HIP1: variants seen among roughly 807,000 people sequenced by gnomAD.
HIP1 encodes the protein huntingtin interacting protein 1.
HIP1 carries 65 observed loss-of-function variants against 147.6 expected under a neutral mutation model. That is an observed-to-expected ratio of 0.44 (90% CI 0.36 to 0.54). HIP1 has a LOEUF of 0.54. Among genes scored for constraint, HIP1 ranks in the 20% least tolerant of loss-of-function variants. The probability of loss-of-function intolerance (pLI) is 0.00; values close to 1 mark genes in which losing one functional copy is unlikely to be tolerated. For missense variants in HIP1, 1,061 were observed against 1,299.6 expected (o/e 0.82, Z 2.82); for synonymous variants, 479 against 504.0 (o/e 0.95, Z 0.67).
chr7:75,719,464 G>A (rs970750056), intron 1 of HIP1, among the ~76,000 whole-genome samples: 13 of 150,250 alleles, frequency 8.7e-5, no homozygotes, highest in South Asian at 2.1e-4. Context: ...AGATCATGCC[G>A]CTGCACTCCA....
chr7:75,561,247 C>T, intron 13 of HIP1, 82 bp downstream of exon 13: 1 of 1,018,754 alleles, frequency 9.8e-7, no homozygotes, highest in South Asian at 1.3e-5. Flanking sequence ...AGCCACTGTG[C>T]CTGGCTAGTG....
intron 1 of HIP1, among the ~76,000 whole-genome samples, chr7:75,632,056 T>TC (rs1798242274): frequency 3.3e-5 from 5 of 152,130 alleles, no homozygotes; most frequent in Non-Finnish European, 7.4e-5. Flanking sequence ...CGAAGACAGG[T>TC]GCTCGTAGGA....
chr7:75,541,132 C>T (rs1554489784), intron 29 of HIP1, among the ~76,000 whole-genome samples: 1 of 151,768 alleles, frequency 6.6e-6, no homozygotes, highest in East Asian at 1.9e-4. Flanking sequence ...GCCGGTGGCT[C>T]ACGCCTGTAA....
At chr7:75,646,391 T>C (rs1301992598) in intron 1 of HIP1, among the ~76,000 whole-genome samples, 1 of 152,164 alleles carries the variant, frequency 6.6e-6, no homozygotes, top group Non-Finnish European at 1.5e-5. Flanking sequence ...CTGGCCACAG[T>C]CATTAAATCT....
At chr7:75,661,442 G>A (rs982104967) in intron 1 of HIP1, among the ~76,000 whole-genome samples, 15 of 151,316 alleles carry the variant, frequency 9.9e-5, no homozygotes, top group South Asian at 4.2e-4. Flanking sequence ...GCGTGGTGGC[G>A]CACACCTGTA....
chr7:75,583,190 C>T (rs1674565900), intron 5 of HIP1, among the ~76,000 whole-genome samples: 1 of 152,150 alleles, frequency 6.6e-6, no homozygotes, highest in African/African-American at 2.4e-5. Context: ...GCCTTTGCTT[C>T]CTGGCTCAGT....
At chr7:75,621,819 G>T (rs797029390) in intron 1 of HIP1, among the ~76,000 whole-genome samples, 53 of 152,310 alleles carry the variant, frequency 3.5e-4, no homozygotes, top group African/African-American at 1.2e-3. Context: ...GAGTCAAGGA[G>T]AACATCGTGA....
At chr7:75,595,239 T>TTCCTTCCTTCCTTC (rs1796668107) in intron 2 of HIP1, among the ~76,000 whole-genome samples, 17 of 110,768 alleles carry the variant, frequency 1.5e-4, no homozygotes, top group East Asian at 7.3e-4. Flanking sequence ...TTTCTTTCTT[T>TTCCTTCCTTCCTTC]CTTTCTTTCT....
In HIP1 at chr7:75,571,468, C is replaced by T. The variant is rs375823220; in HGVS notation, c.745+2293G>A. ...TCCAATCTCCCTTCCACAAAACCAT[C>T]CTAGGTTAGCATCTAGGCGATGCTA... On this transcript the variant is annotated intron_variant, in intron 8 of 30. Coordinates refer to ENST00000336926, the MANE Select transcript of HIP1 (RefSeq NM_005338.7). Among the ~76,000 whole-genome samples the T allele has an allele frequency of 3.3e-5, 5 of 152,298 alleles. No individual in the cohort carries two copies. In the East Asian group the frequency reaches 5.8e-4, roughly 18 times the overall value.
At chr7:75,575,196 C>T (rs1279441896) in intron 7 of HIP1, among the ~76,000 whole-genome samples, 1 of 151,474 alleles carries the variant, frequency 6.6e-6, no homozygotes, top group African/African-American at 2.4e-5. Context: ...CACAGTGGCT[C>T]ATGCCTGTAA....
chr7:75,551,322 C>G (rs749330572), intron 22 of HIP1, among the ~76,000 whole-genome samples: 258 of 148,090 alleles, frequency 1.7e-3, no homozygotes, highest in Non-Finnish European at 3.0e-3. Context: ...CTCAGCCTCT[C>G]AAGTAGCTGG....
At chr7:75,569,293 A>G (rs1446853268) in intron 8 of HIP1, among the ~76,000 whole-genome samples, 1 of 152,062 alleles carries the variant, frequency 6.6e-6, no homozygotes, top group Non-Finnish European at 1.5e-5. Context: ...ACACATGTAT[A>G]AAACATGATT....
At chr7:75,667,454 A>G (rs1202075883) in intron 1 of HIP1, among the ~76,000 whole-genome samples, 1 of 152,212 alleles carries the variant, frequency 6.6e-6, no homozygotes, top group East Asian at 1.9e-4. Flanking sequence ...AAAAAATTCT[A>G]TAAACCAAAC....
At chr7:75,666,282 C>G (rs1799558188) in intron 1 of HIP1, among the ~76,000 whole-genome samples, 1 of 151,958 alleles carries the variant, frequency 6.6e-6, no homozygotes, top group Admixed American at 6.6e-5. Flanking sequence ...GATTCTCCTG[C>G]CTCAGCCTCC....
intron 1 of HIP1, among the ~76,000 whole-genome samples, chr7:75,628,475 CTTTTTTTT>C (rs71098044): frequency 2.2e-4 from 29 of 132,598 alleles, no homozygotes; most frequent in Admixed American, 2.3e-4. Flanking sequence ...TCCTGTACCT[CTTTTTTTT>C]TTTTTTTTTT....
chr7:75,665,389 G>C (rs1258092823), intron 1 of HIP1, among the ~76,000 whole-genome samples: 1 of 152,164 alleles, frequency 6.6e-6, no homozygotes, highest in Non-Finnish European at 1.5e-5. Context: ...TGGAGGGGCA[G>C]GAAGGTTTGA....
intron 1 of HIP1, chr7:75,654,828 A>G (rs1799099752): frequency 6.6e-6 from 1 of 152,142 alleles, no homozygotes; most frequent in Admixed American, 6.6e-5. Flanking sequence ...TAGCCTGGGC[A>G]ACATAGCAAG....
At chr7:75,554,358 T>C (rs782638549) in intron 20 of HIP1, 82 bp downstream of exon 20, 14 of 1,327,628 alleles carry the variant, frequency 1.1e-5, no homozygotes, top group Non-Finnish European at 1.4e-5. Flanking sequence ...CAGAGGGACC[T>C]GTCACTATCC....
At chr7:75,664,080 AC>A (rs1799442816) in intron 1 of HIP1, among the ~76,000 whole-genome samples, 1 of 114,048 alleles carries the variant, frequency 8.8e-6, no homozygotes, top group Non-Finnish European at 1.9e-5. Flanking sequence ...ATATACACAC[AC>A]ATATACACAC....
Sources: allele counts gnomAD v4.1 joint callset (sites outside exome capture counted in the v4.1 genomes callset), GRCh38; gene constraint gnomAD v4.1.1; transcripts MANE v1.5; gene names NCBI Gene and HGNC (gene_info 2026-07-23, HGNC 2026-07-21).